Variants in WDR20 observed in about 807,000 individuals in gnomAD.
WDR20 encodes the protein WD repeat domain 20.
A neutral mutation model predicts 38.7 loss-of-function variants in WDR20; 3 were observed. The observed-to-expected ratio is 0.08, with a 90% CI of 0.04 to 0.20. The LOEUF (loss-of-function observed/expected upper bound fraction) is 0.20. Among genes scored for constraint, WDR20 ranks in the 10% least tolerant of loss-of-function variants. The probability of loss-of-function intolerance (pLI) is 1.00; values close to 1 mark genes in which losing one functional copy is unlikely to be tolerated. For missense variants in WDR20, 559 were observed against 727.7 expected (o/e 0.77, Z 2.67); for synonymous variants, 298 against 285.6 (o/e 1.04, Z -0.44).
chr14:102,161,142 A>ATATATATATTTTTTTTTTTT (rs1342924049), intron 1 of WDR20, among the ~76,000 whole-genome samples: 1 of 16,050 alleles, frequency 6.2e-5, no homozygotes, highest in African/African-American at 3.2e-4. Context: ...ATATATATAT[A>ATATATATATTTTTTTTTTTT]TTTTTTTTTT....
At chr14:102,167,819 T>C (rs549240725) in intron 1 of WDR20, among the ~76,000 whole-genome samples, 2 of 152,370 alleles carry the variant, frequency 1.3e-5, no homozygotes, top group East Asian at 3.9e-4. Context: ...GATTGATTGC[T>C]GAACTCCTGT....
rs1007766589 is a variant in WDR20, at chr14:102,208,337, A to C, written c.433-266A>C. 1.3e-5 allele frequency among the ~76,000 whole-genome samples: 2 copies of C among 152,168 alleles called. No individual in the cohort carries two copies. The highest frequency in any genetic ancestry group is 4.8e-5 in the African/African-American group (2 of 41,428). On this transcript the variant is annotated intron_variant, in intron 2 of 2. Transcript: ENST00000342702. The surrounding 1 kb of genome is among the most constrained non-coding windows in gnomAD (Gnocchi z 5.6). Reference sequence around the variant, plus strand: ...CCCTGTGCCTGGCATCGTGTCTGGCACTTAGTGGCCCCTCTGCAAATATCT... The same window carrying C: ...CCCTGTGCCTGGCATCGTGTCTGGCCCTTAGTGGCCCCTCTGCAAATATCT...
At chr14:102,165,967 T>A in intron 1 of WDR20, among the ~76,000 whole-genome samples, 1 of 151,968 alleles carries the variant, frequency 6.6e-6, no homozygotes, top group Non-Finnish European at 1.5e-5. Flanking sequence ...TTTTATTCTC[T>A]CCTTAATCTT....
intron 2 of WDR20, chr14:102,195,899 G>C (rs1404566456): frequency 6.6e-6 from 1 of 152,238 alleles, no homozygotes; most frequent in Admixed American, 6.5e-5. Context: ...AAGTGGAAAA[G>C]ATAAGGTAGG....
intron 1 of WDR20, among the ~76,000 whole-genome samples, chr14:102,161,089 T>A (rs1260636711): frequency 7.7e-6 from 1 of 129,222 alleles, no homozygotes; most frequent in Non-Finnish European, 1.6e-5. Context: ...ATGATAAATT[T>A]CCAGTGGATA....
At chr14:102,141,944 T>C (rs1300477486) in intron 1 of WDR20, among the ~76,000 whole-genome samples, 1 of 152,230 alleles carries the variant, frequency 6.6e-6, no homozygotes, top group Non-Finnish European at 1.5e-5. Flanking sequence ...TTATGACTTC[T>C]GAAGCATCCT....
downstream of WDR20, chr14:102,213,181 A>G: frequency 1.0e-6 from 1 of 985,600 alleles, no homozygotes; most frequent in Non-Finnish European, 1.2e-6. Flanking sequence ...GCAGGCTTCT[A>G]AACACTACTG....
At chr14:102,173,004 C>CA (rs1267380789) in intron 1 of WDR20, among the ~76,000 whole-genome samples, 1 of 149,966 alleles carries the variant, frequency 6.7e-6, no homozygotes, top group African/African-American at 2.5e-5. Context: ...CCCCACATCT[C>CA]AGACGATGGG....
chr14:102,212,216 T>C (rs977786991), downstream of WDR20, among the ~76,000 whole-genome samples: 25 of 152,206 alleles, frequency 1.6e-4, no homozygotes, highest in African/African-American at 6.0e-4. Context: ...CACTATGATA[T>C]TGTCAGTTTT....
chr14:102,219,578 C>G (rs2153061887), downstream of WDR20, among the ~76,000 whole-genome samples: 1 of 152,320 alleles, frequency 6.6e-6, no homozygotes, highest in East Asian at 1.9e-4. Flanking sequence ...CGGTTAACTC[C>G]TCTTAGAGAC....
In WDR20 at chr14:102,223,049, C is replaced by T. The variant is rs885586; in HGVS notation, c.*166C>T. ...GGCTCACTCTGCGGCGCCGTGCTCC[C>T]GCTGCTCACCCAAAGAAGTTGTTTC... is the stretch of plus-strand genomic sequence containing the variant. On this transcript the variant is annotated 3_prime_UTR_variant, in exon 4 of 4. Transcript: ENST00000335263. The T allele has an allele frequency of 1.9e-3, 1,269 of 662,854 alleles. 31 individuals are homozygous for T. In the Admixed American group the frequency reaches 0.031, roughly 16 times the overall value. 41.1% of individuals were successfully genotyped at this position (662,854 alleles called of 1,614,324 possible).
chr14:102,203,321 A>G (rs1311529320), intron 2 of WDR20, among the ~76,000 whole-genome samples: 1 of 152,228 alleles, frequency 6.6e-6, no homozygotes, highest in Non-Finnish European at 1.5e-5. Context: ...TATCTCCAAA[A>G]TATTATTTCA....
At position 102,209,600 on chromosome 14, in the gene WDR20, A is replaced by G. The variant is rs755507329; in HGVS notation, c.1430A>G (p.Asp477Gly). 18 of 1,614,108 alleles carry G rather than the reference A, an allele frequency of 1.1e-5. No homozygotes were observed. The highest frequency in any genetic ancestry group is 1.4e-5 in the Non-Finnish European group (17 of 1,180,056). Residue 477 changes from aspartate (D) to glycine (G), a missense_variant, in exon 3 of 3, where the codon GAT becomes GGT. By Grantham distance (94) the Asp-to-Gly change is moderately conservative. Transcript: ENST00000342702. The surrounding 1 kb of genome is among the most constrained non-coding windows in gnomAD (Gnocchi z 6.0). Reference protein sequence around the residue: ...HDRKERHHEKDHKRNHSMGHI... With the variant: ...HDRKERHHEKGHKRNHSMGHI... ...CGGAAGGAGAGGCACCACGAGAAAG[A>G]TCACAAGCGAAATCATAGCATGGGA...
downstream of WDR20, among the ~76,000 whole-genome samples, chr14:102,216,213 G>A (rs180785272): frequency 7.9e-5 from 12 of 152,340 alleles, no homozygotes; most frequent in Admixed American, 2.6e-4. Flanking sequence ...CTGTCAAAGC[G>A]GAGGGAACAT....
rs1426880851 is a variant in WDR20, at chr14:102,209,507, A to T, written c.1337A>T (p.Lys446Ile). The change falls in exon 3 of 3, where the codon AAA becomes ATA. Residue 446 changes from lysine to isoleucine, a missense_variant. By Grantham distance (102) the Lys-to-Ile change is moderately radical (BLOSUM62 -3). Transcript: ENST00000342702. This position sits in a 1 kb window ranked among gnomAD's most constrained non-coding sequence, Gnocchi z 6.0. Reference sequence around the variant, plus strand: ...TCAGCAGTCTCAAATGCTGGCAGCAAAAGCAGTGTCATGGACGGGGCCATT... The same window carrying T: ...TCAGCAGTCTCAAATGCTGGCAGCATAAGCAGTGTCATGGACGGGGCCATT... Reference protein sequence around the residue: ...PHSAVSNAGSKSSVMDGAIAS... With the variant: ...PHSAVSNAGSISSVMDGAIAS... The T allele has an allele frequency of 6.2e-7, 1 of 1,614,066 alleles. No individual in the cohort carries two copies. The highest frequency in any genetic ancestry group is 2.2e-5 in the East Asian group (1 of 44,898).
Position 102,209,421 on chromosome 14 carries a change from T to C in WDR20, c.1251T>C (p.Ser417=), listed in dbSNP as rs753744993. The change falls in exon 3 of 3, where the codon AGT becomes AGC. Residue 417 remains serine, a synonymous_variant. Coordinates refer to ENST00000342702, the MANE Select transcript of WDR20 (RefSeq NM_144574.4). The surrounding 1 kb of genome is among the most constrained non-coding windows in gnomAD (Gnocchi z 6.0). ...TSPPAGSNGN[S]VTTPGNSVPP... is the part of the protein sequence containing the mutation. ...CTCCTGCTGGAAGCAATGGGAACAGTGTTACAACACCCGGGAACTCTGTGC... is the reference window on the plus strand; with the variant it reads ...CTCCTGCTGGAAGCAATGGGAACAGCGTTACAACACCCGGGAACTCTGTGC... 6.2e-7 allele frequency: 1 copy of C among 1,614,112 alleles called. No individual in the cohort carries two copies. Among genetic ancestry groups the C allele is most frequent in the East Asian group, 2.2e-5 (1 of 44,884 alleles).
At chr14:102,140,325 G>T (rs2050427249) in intron 1 of WDR20, 153 bp downstream of exon 1, 2 of 1,274,702 alleles carry the variant, frequency 1.6e-6, no homozygotes, top group Non-Finnish European at 2.1e-6. Flanking sequence ...CTGAGGAGAG[G>T]GGATTCAGGA....
At position 102,209,745 on chromosome 14, in the gene WDR20, G is replaced by A. The variant is rs112900408; in HGVS notation, c.1575G>A (p.Pro525=). 174 of 1,614,066 alleles carry A rather than the reference G, an allele frequency of 1.1e-4. 1 individual carries two copies. The highest frequency in any genetic ancestry group is 8.7e-4 in the African/African-American group (65 of 75,006). Residue 525 remains proline, a synonymous_variant, in exon 3 of 3, where the codon CCG becomes CCA. Coordinates refer to ENST00000342702, the MANE Select transcript of WDR20 (RefSeq NM_144574.4). The surrounding 1 kb of genome is among the most constrained non-coding windows in gnomAD (Gnocchi z 6.0). ...PRMEDVPLLE[P]LICKKIAHER... ...TGGAAGATGTTCCCTTGTTAGAGCC[G>A]CTGATATGTAAAAAGATAGCACATG...
At chr14:102,144,871 T>C (rs1182448067) in intron 1 of WDR20, among the ~76,000 whole-genome samples, 2 of 152,112 alleles carry the variant, frequency 1.3e-5, no homozygotes, top group Non-Finnish European at 2.9e-5. Flanking sequence ...AGCTCATTTT[T>C]GTATTTTAAT....
Sources: allele counts gnomAD v4.1 joint callset (sites outside exome capture counted in the v4.1 genomes callset), GRCh38; gene constraint gnomAD v4.1.1; non-coding constraint Gnocchi (gnomAD v3.1); transcripts MANE v1.5; gene names NCBI Gene and HGNC (gene_info 2026-07-23, HGNC 2026-07-21).